The following CFTR variants were observed in gnomAD, a reference collection of about 807,000 sequenced individuals.
CFTR encodes CF transmembrane conductance regulator.
CFTR carries 181 observed loss-of-function variants against 171.6 expected under a neutral mutation model. That is an observed-to-expected ratio of 1.05 (90% CI 0.93 to 1.19). The LOEUF (loss-of-function observed/expected upper bound fraction) is 1.19. CFTR is among the 50% of genes most tolerant of loss of function. CFTR has a pLI of 0.00. For synonymous variants in CFTR, 583 were observed against 608.0 expected (o/e 0.96, Z 0.60); for missense variants, 1,968 against 1,734.7 (o/e 1.13, Z -2.39).
chr7:117,606,904 A>G (rs1395200041), intron 18 of CFTR, 151 bp downstream of exon 18: 8 of 665,904 alleles, frequency 1.2e-5, no homozygotes, highest in Non-Finnish European at 2.2e-5. Context: ...CCTTCAAAAT[A>G]GACATAAGTT....
At position 117,595,012 on chromosome 7, in the gene CFTR, G is replaced by A. The variant is rs2116039677; in HGVS notation, c.2573G>A (p.Ser858Asn). Residue 858 changes from serine to asparagine, a missense_variant, in exon 15 of 27, where the codon AGC becomes AAC. By Grantham distance (46) the Ser-to-Asn change is conservative (BLOSUM62 1). Transcript: ENST00000003084. ...CTTCGATATATTACTGTCCACAAGA[G>A]CTTAATTTTTGTGCTAATTTGGTGC... ...TYLRYITVHK[S>N]LIFVLIWCLV... 2 of 1,612,928 alleles carry A rather than the reference G, an allele frequency of 1.2e-6. No homozygotes were observed. Among genetic ancestry groups the A allele is most frequent in the Non-Finnish European group, 1.7e-6 (2 of 1,179,338 alleles).
chr7:117,485,175 T>A (rs1038754922), intron 1 of CFTR, among the ~76,000 whole-genome samples: 15 of 152,214 alleles, frequency 9.9e-5, no homozygotes, highest in African/African-American at 3.1e-4. Context: ...GAGCCTATAA[T>A]TTCAGTGTGA....
chr7:117,599,568 ATT>A (rs138816759), intron 15 of CFTR, among the ~76,000 whole-genome samples: 2,200 of 152,218 alleles, frequency 0.014, 38 homozygotes, highest in African/African-American at 0.033. Flanking sequence ...AACAATTGAT[ATT>A]GCCCTTTTCT....
intron 15 of CFTR, among the ~76,000 whole-genome samples, chr7:117,596,326 T>C (rs2116043283): frequency 6.6e-6 from 1 of 152,310 alleles, no homozygotes; most frequent in East Asian, 1.9e-4. Flanking sequence ...CACTGGGCCT[T>C]AGCTGCCTCC....
intron 21 of CFTR, 27 bp downstream of exon 21, chr7:117,614,740 TA>T (rs773118146): frequency 6.6e-7 from 1 of 1,508,648 alleles, no homozygotes; most frequent in Admixed American, 1.7e-5. Flanking sequence ...TTTTAACTTT[TA>T]TGAAAAAAAT....
intron 1 of CFTR, among the ~76,000 whole-genome samples, chr7:117,501,747 CAAAAAAAA>C (rs1212853305): frequency 1.3e-3 from 59 of 43,910 alleles, no homozygotes; most frequent in African/African-American, 2.4e-3. Context: ...AACTCTGTCT[CAAAAAAAA>C]AAAAAAAAAA....
chr7:117,549,311 T>C (rs1369590437), intron 10 of CFTR, among the ~76,000 whole-genome samples: 1 of 152,180 alleles, frequency 6.6e-6, no homozygotes, highest in Non-Finnish European at 1.5e-5. Flanking sequence ...GGATAGTTTT[T>C]TGAGGAAATA....
At chr7:117,650,507 C>T (rs1379052371) in intron 23 of CFTR, among the ~76,000 whole-genome samples, 1 of 151,954 alleles carries the variant, frequency 6.6e-6, no homozygotes, top group East Asian at 1.9e-4. Context: ...TGCATTACTA[C>T]AACATCTTTG....
At chr7:117,611,277 T>A (rs1018628827) in intron 19 of CFTR, among the ~76,000 whole-genome samples, 2 of 152,172 alleles carry the variant, frequency 1.3e-5, no homozygotes. Flanking sequence ...AAAATTTTTT[T>A]AGTAAGAATT....
chr7:117,559,781 A>G (rs1261926932), intron 11 of CFTR, 126 bp downstream of exon 11: 1 of 667,408 alleles, frequency 1.5e-6, no homozygotes, highest in African/African-American at 1.8e-5. Context: ...TGGGTAAGCT[A>G]CTGTGAATGG....
At chr7:117,660,703 T>C (rs13238110) in intron 24 of CFTR, among the ~76,000 whole-genome samples, 14 of 151,448 alleles carry the variant, frequency 9.2e-5, no homozygotes, top group Non-Finnish European at 1.5e-4. Flanking sequence ...TACACACACA[T>C]ATATATATAC....
In CFTR at chr7:117,602,811, C is replaced by G. The variant is rs139379077; in HGVS notation, c.2620-15C>G. The G allele has an allele frequency of 1.9e-3, 3,097 of 1,613,194 alleles. 26 individuals carry two copies. In the Middle Eastern group the frequency reaches 0.033, roughly 17 times the overall value. ...ATGTTAGAAAAAAAATCAACTGTGT[C>G]TTGTTCCATTCCAGGTGGCTGCTTC... On this transcript the variant is annotated splice_polypyrimidine_tract_variant and intron_variant, in intron 15 of 26. Coordinates refer to ENST00000003084, the MANE Select transcript of CFTR (RefSeq NM_000492.4).
Position 117,667,338 on chromosome 7 carries a change from A to G in CFTR, c.*230A>G. 1 of 512,062 alleles carries G rather than the reference A, an allele frequency of 2.0e-6. No homozygotes were observed. The highest frequency in any genetic ancestry group is 3.1e-5 in the Admixed American group (1 of 32,394). 31.7% of individuals were successfully genotyped at this position (512,062 alleles called of 1,614,324 possible). Reference sequence around the variant, plus strand: ...GTCAAATTGTGTGAAAGGTACTTCAAATCCTTGAAGATTTACCACTTGTGT... The same window carrying G: ...GTCAAATTGTGTGAAAGGTACTTCAGATCCTTGAAGATTTACCACTTGTGT... On this transcript the variant is annotated 3_prime_UTR_variant, in exon 27 of 27. Transcript: ENST00000003084.
At chr7:117,583,732 T>C (rs1791887631) in intron 11 of CFTR, among the ~76,000 whole-genome samples, 1 of 152,168 alleles carries the variant, frequency 6.6e-6, no homozygotes, top group Non-Finnish European at 1.5e-5. Context: ...TCCTTTTAGT[T>C]CTTTAAGGAA....
At chr7:117,631,945 C>G (rs1792753638) in intron 22 of CFTR, among the ~76,000 whole-genome samples, 1 of 152,116 alleles carries the variant, frequency 6.6e-6, no homozygotes, top group South Asian at 2.1e-4. Flanking sequence ...CCTGTGGGGT[C>G]TATGCTAATA....
rs201295415 is a variant in CFTR, at chr7:117,592,209, A to T, written c.2042A>T (p.Glu681Val). 95 of 1,613,894 alleles carry T rather than the reference A, an allele frequency of 5.9e-5. No homozygotes were observed. The East Asian group carries it at 2.1e-3, about 35-fold the overall frequency. ...LEGDAPVSWT[E>V]TKKQSFKQTG... ...GGAGATGCTCCTGTCTCCTGGACAG[A>T]AACAAAAAAACAATCTTTTAAACAG... The change falls in exon 14 of 27, where the codon GAA (glutamate) becomes GTA (valine). Residue 681 changes from glutamate (E) to valine (V), a missense_variant. By Grantham distance (121) the Glu-to-Val change is moderately radical. Coordinates refer to ENST00000003084, the MANE Select transcript of CFTR (RefSeq NM_000492.4).
chr7:117,618,550 T>C (rs1792528680), intron 21 of CFTR, among the ~76,000 whole-genome samples: 1 of 152,128 alleles, frequency 6.6e-6, no homozygotes, highest in South Asian at 2.1e-4. Flanking sequence ...TTTGTGTCTC[T>C]AGTTTAGACC....
rs786204693 is a variant in CFTR, at chr7:117,536,648, G to GA, written c.850dup (p.Met284AsnfsTer3). 6.2e-7 allele frequency: 1 copy of GA among 1,611,618 alleles called. No homozygotes were observed. The highest frequency in any genetic ancestry group is 8.5e-7 in the Non-Finnish European group (1 of 1,179,078). ...GGCATACTGCTGGGAAGAAGCAATGGAAAAAATGATTGAAAACTTAAGACA... is the reference window on the plus strand; with the variant it reads ...GGCATACTGCTGGGAAGAAGCAATGGAAAAAAATGATTGAAAACTTAAGACA... On this transcript the variant is annotated frameshift_variant, in exon 7 of 27. Transcript: ENST00000003084. LOFTEE classifies it high-confidence loss of function.
At chr7:117,644,420 G>GA (rs4148722) in intron 23 of CFTR, among the ~76,000 whole-genome samples, 7,243 of 143,850 alleles carry the variant, frequency 0.05, 567 homozygotes, top group African/African-American at 0.17. Context: ...AGTTTAAAAA[G>GA]AAAAAAAAAA....
Sources: allele counts gnomAD v4.1 joint callset (sites outside exome capture counted in the v4.1 genomes callset), GRCh38; gene constraint gnomAD v4.1.1; transcripts MANE v1.5; gene names NCBI Gene and HGNC (gene_info 2026-07-23, HGNC 2026-07-21).